PCNX1: variants seen among roughly 807,000 people sequenced by gnomAD.
PCNX1 encodes pecanex-like protein 1.
A neutral mutation model predicts 242.2 loss-of-function variants in PCNX1; 78 were observed. The observed-to-expected ratio is 0.32, with a 90% confidence interval of 0.27 to 0.39. The LOEUF (loss-of-function observed/expected upper bound fraction) is 0.39. Among genes scored for constraint, PCNX1 ranks in the 10% least tolerant of loss-of-function variants. The pLI is 1.00. For synonymous variants in PCNX1, 1,024 were observed against 1,032.9 expected, an observed-to-expected ratio of 0.99 and a Z score of 0.17; for missense variants, 2,581 against 2,856.5, an observed-to-expected ratio of 0.90 and a Z score of 2.20.
At chr14:70,930,681 C>T (rs2056763368) in intron 1 of PCNX1, among the ~76,000 whole-genome samples, 1 of 152,098 alleles carries the variant, frequency 6.6e-6, no homozygotes, top group Admixed American at 6.5e-5. Flanking sequence ...AACCAGTTGC[C>T]TTTGGGGAAA....
intron 18 of PCNX1, among the ~76,000 whole-genome samples, 179 bp downstream of exon 18, chr14:71,034,215 C>T (rs2060468652): frequency 6.6e-6 from 1 of 152,036 alleles, no homozygotes; most frequent in Non-Finnish European, 1.5e-5. Flanking sequence ...ATAAGAAATG[C>T]TCATTCCTCA....
chr14:71,084,814 A>C (rs1033006505), intron 28 of PCNX1, among the ~76,000 whole-genome samples: 1 of 152,140 alleles, frequency 6.6e-6, no homozygotes, highest in Non-Finnish European at 1.5e-5. Flanking sequence ...GAGCTAGACC[A>C]CTTGGCTCCC....
At chr14:71,012,913 T>G in intron 10 of PCNX1, 72 bp from the exon 11 acceptor site, 1 of 989,518 alleles carries the variant, frequency 1.0e-6, no homozygotes, top group Non-Finnish European at 1.6e-6. Context: ...TATGAAGATA[T>G]TTTATTTTGA....
chr14:71,088,354 T>TC lies in PCNX1; in HGVS notation c.5365dup (p.Leu1789ProfsTer26). On this transcript the variant is annotated frameshift_variant, in exon 29 of 36. Coordinates refer to ENST00000304743, the MANE Select transcript of PCNX1 (RefSeq NM_014982.3). LOFTEE classifies it high-confidence loss of function. Reference sequence around the variant, plus strand: ...GCCTGTGGATGTGGACAAAGATTCATCCCTAGTGACTCTCTGTTATGGACT... The same window carrying TC: ...GCCTGTGGATGTGGACAAAGATTCATCCCCTAGTGACTCTCTGTTATGGACT... 6.2e-7 allele frequency: 1 copy of TC among 1,610,094 alleles called. No homozygotes were observed. Among genetic ancestry groups the TC allele is most frequent in the Non-Finnish European group, 8.5e-7 (1 of 1,176,704 alleles).
At position 71,014,400 on chromosome 14, in the gene PCNX1, C is replaced by T. The variant is rs537686145; in HGVS notation, c.2996+1198C>T. Among the ~76,000 whole-genome samples the T allele has an allele frequency of 5.3e-5, 8 of 152,264 alleles. No homozygotes were observed. In the South Asian group the frequency reaches 6.2e-4, roughly 12 times the overall value. On this transcript the variant is annotated intron_variant, in intron 11 of 35. Transcript: ENST00000304743. ...AGTGTGCAAAGAAGTGAGAAAACGA[C>T]CTCTAACAAGAATAATCAGTTGAGA...
At position 71,073,573 on chromosome 14, in the gene PCNX1, G is replaced by T. The variant is rs747512083; in HGVS notation, c.4881G>T (p.Glu1627Asp). The change falls in exon 27 of 36, where the codon GAG (glutamate) becomes GAT (aspartate). Residue 1627 changes from glutamate (E) to aspartate (D), a missense_variant. Coordinates refer to ENST00000304743, the MANE Select transcript of PCNX1 (RefSeq NM_014982.3). ...CCTACTGTCAACAACGGGAAGTGGA[G>T]GCCATTACTGAAGGTGTAGAGGAAG... Reference protein sequence around the residue: ...RGTYCQQREVEAITEGVEEDE... With the variant: ...RGTYCQQREVDAITEGVEEDE... 6.2e-7 allele frequency: 1 copy of T among 1,612,938 alleles called. No homozygotes were observed. Among genetic ancestry groups the T allele is most frequent in the East Asian group, 2.2e-5 (1 of 44,848 alleles).
chr14:70,966,645 A>T (rs2058387623), intron 3 of PCNX1, among the ~76,000 whole-genome samples: 1 of 152,186 alleles, frequency 6.6e-6, no homozygotes, highest in Admixed American at 6.5e-5. Context: ...CCAATTTTGG[A>T]ACAAAATAGG....
intron 20 of PCNX1, among the ~76,000 whole-genome samples, chr14:71,046,218 A>T (rs1352323852): frequency 6.6e-6 from 1 of 152,096 alleles, no homozygotes; most frequent in Non-Finnish European, 1.5e-5. Flanking sequence ...TCAGAATGAG[A>T]TATGTTTTTA....
intron 1 of PCNX1, among the ~76,000 whole-genome samples, chr14:70,940,688 G>C (rs1328529361): frequency 6.6e-6 from 1 of 152,122 alleles, no homozygotes. Flanking sequence ...TGCTAGGTTG[G>C]GGAAGTTCTC....
chr14:71,088,814 C>T (rs1468470), intron 29 of PCNX1, among the ~76,000 whole-genome samples: 84,848 of 151,934 alleles, frequency 0.56, 25,082 homozygotes, highest in East Asian at 0.74. Context: ...ATATTAGATT[C>T]GGGGATTCTA....
intron 8 of PCNX1, 73 bp downstream of exon 8, chr14:70,995,998 C>CT (rs2059339945): frequency 1.8e-6 from 2 of 1,122,044 alleles, no homozygotes; most frequent in Non-Finnish European, 2.7e-6. Flanking sequence ...AATTGCAGTT[C>CT]TTTTTTGAGA....
At chr14:70,913,471 T>C (rs1290722639) in intron 1 of PCNX1, among the ~76,000 whole-genome samples, 1 of 152,230 alleles carries the variant, frequency 6.6e-6, no homozygotes, top group African/African-American at 2.4e-5. Context: ...TTTTTGTGCA[T>C]ACAGCTGTGT....
Position 71,105,276 on chromosome 14 carries a change from A to G in PCNX1, c.6137A>G (p.Asn2046Ser), listed in dbSNP as rs751842286. 4.3e-6 allele frequency: 7 copies of G among 1,613,920 alleles called. No homozygotes were observed. The highest frequency in any genetic ancestry group is 1.3e-5 in the African/African-American group (1 of 74,904). Residue 2046 changes from asparagine (N) to serine (S), a missense_variant, in exon 33 of 36, where the codon AAT becomes AGT. Asn to Ser is a conservative substitution (Grantham distance 46). This residue lies in a region of PCNX1 where 432 missense variants were observed against 433.6 expected (regional missense o/e 1.00). Transcript: ENST00000304743. ...GGAGCTGGATGTAACAGTGGTGGCAATATTGAAGATTCTGATACTGGAGGT... is the reference window on the plus strand; with the variant it reads ...GGAGCTGGATGTAACAGTGGTGGCAGTATTGAAGATTCTGATACTGGAGGT... ...GCGAGCNSGG[N>S]IEDSDTGGGT...
chr14:70,924,253 AAAG>A (rs1222152773), intron 1 of PCNX1, among the ~76,000 whole-genome samples: 1 of 151,670 alleles, frequency 6.6e-6, no homozygotes, highest in Non-Finnish European at 1.5e-5. Context: ...AAAAAAAGAA[AAAG>A]AAAAAACAGA....
chr14:71,010,871 T>C (rs1336352266), intron 9 of PCNX1, among the ~76,000 whole-genome samples: 1 of 152,044 alleles, frequency 6.6e-6, no homozygotes, highest in Non-Finnish European at 1.5e-5. Flanking sequence ...AAGTAGAACA[T>C]ATAGATAACC....
At position 70,978,461 on chromosome 14, in the gene PCNX1, G is replaced by C. The variant is rs369855803; in HGVS notation, c.2124G>C (p.Met708Ile). The C allele has an allele frequency of 6.2e-7, 1 of 1,614,130 alleles. No homozygotes were observed. Among genetic ancestry groups the C allele is most frequent in the Non-Finnish European group, 8.5e-7 (1 of 1,180,028 alleles). ...GTTTGAATGACTCAAACAGGTTAAT[G>C]GCACCTGAAAGTATAAAGCCCTTAA... Reference protein sequence around the residue: ...VACLNDSNRLMAPESIKPLTT... With the variant: ...VACLNDSNRLIAPESIKPLTT... Residue 708 changes from methionine (M) to isoleucine (I), a missense_variant, in exon 6 of 36, where the codon ATG (methionine) becomes ATC (isoleucine). Transcript: ENST00000304743.
chr14:71,074,377 G>A (rs2240532), intron 27 of PCNX1, among the ~76,000 whole-genome samples: 9,410 of 152,278 alleles, frequency 0.062, 420 homozygotes, highest in East Asian at 0.27. Context: ...AGGGTAAGTT[G>A]CTAGAAACAC....
At chr14:70,957,892 GTGT>G (rs1241561524) in intron 2 of PCNX1, among the ~76,000 whole-genome samples, 3 of 152,112 alleles carry the variant, frequency 2.0e-5, no homozygotes, top group Admixed American at 6.6e-5. Flanking sequence ...TCTCCTTTCT[GTGT>G]TGTTATTTCT....
chr14:71,065,587 A>G (rs1191671604), intron 26 of PCNX1, among the ~76,000 whole-genome samples: 1 of 152,106 alleles, frequency 6.6e-6, no homozygotes, highest in African/African-American at 2.4e-5. Flanking sequence ...CACTCTAATG[A>G]TAGTTTCTTT....
Sources: allele counts gnomAD v4.1 joint callset (sites outside exome capture counted in the v4.1 genomes callset), GRCh38; gene constraint gnomAD v4.1.1; regional missense constraint gnomAD v4.1.1; transcripts MANE v1.5; gene names NCBI Gene and HGNC (gene_info 2026-07-23, HGNC 2026-07-21).